Variants in KCTD16 observed in about 807,000 individuals in gnomAD.
KCTD16 encodes the protein BTB/POZ domain-containing protein KCTD16.
KCTD16 carries 13 observed loss-of-function variants against 33.2 expected under a neutral mutation model. The ratio of observed to expected loss-of-function variants is 0.39; its 90% confidence interval spans 0.25 to 0.62. The LOEUF (loss-of-function observed/expected upper bound fraction) is 0.62. Among genes scored for constraint, KCTD16 ranks in the 20% least tolerant of loss-of-function variants. The pLI is 0.50. For synonymous variants in KCTD16, 197 were observed against 195.3 expected (o/e 1.01, Z -0.07); for missense variants, 441 against 525.1 (o/e 0.84, Z 1.57).
At chr5:144,399,216 C>G (rs1752647008) in intron 3 of KCTD16, among the ~76,000 whole-genome samples, 1 of 152,298 alleles carries the variant, frequency 6.6e-6, no homozygotes, top group South Asian at 2.1e-4. Flanking sequence ...GGTTACCTAG[C>G]ATAAGATAAT....
intron 3 of KCTD16, among the ~76,000 whole-genome samples, chr5:144,340,705 G>C (rs2126898477): frequency 6.6e-6 from 1 of 152,186 alleles, no homozygotes; most frequent in African/African-American, 2.4e-5. Context: ...ACCCTGTGAG[G>C]ACACAGCGAA....
chr5:144,450,742 GT>G (rs1378420554), intron 3 of KCTD16, among the ~76,000 whole-genome samples: 1 of 152,062 alleles, frequency 6.6e-6, no homozygotes, highest in Non-Finnish European at 1.5e-5. Flanking sequence ...GGTATCTAAA[GT>G]AGTCAAATTC....
At chr5:144,283,278 C>T (rs1394611696) in intron 3 of KCTD16, among the ~76,000 whole-genome samples, 1 of 152,120 alleles carries the variant, frequency 6.6e-6, no homozygotes, top group Admixed American at 6.5e-5. Flanking sequence ...AATGTCTCCA[C>T]CCTGTTGGTT....
rs531254679 is a variant in KCTD16, at chr5:144,310,134, G to T, written c.832+102588G>T. On this transcript the variant is annotated intron_variant, in intron 3 of 3. Coordinates refer to ENST00000512467, the MANE Select transcript of KCTD16 (RefSeq NM_020768.4). ...ATCCACTTTTTTAGCTCCCACATAT[G>T]AATGAGAATATGCAAAGTTTGCCTT... Among the ~76,000 whole-genome samples, 265 of 151,728 alleles carry T rather than the reference G, an allele frequency of 1.7e-3. 1 individual carries two copies. The highest frequency in any genetic ancestry group is 5.4e-3 in the African/African-American group (223 of 41,334).
intron 3 of KCTD16, among the ~76,000 whole-genome samples, chr5:144,368,017 T>C (rs1433486388): frequency 1.3e-5 from 2 of 152,012 alleles, no homozygotes; most frequent in East Asian, 3.9e-4. Flanking sequence ...GGAGCTATTA[T>C]AAAGATTTAA....
At chr5:144,391,506 G>A (rs942622727) in intron 3 of KCTD16, among the ~76,000 whole-genome samples, 1 of 152,162 alleles carries the variant, frequency 6.6e-6, no homozygotes, top group African/African-American at 2.4e-5. Context: ...TTCCAGGGCT[G>A]ACCTTCTTGA....
chr5:144,178,555 G>A (rs1376613747), intron 2 of KCTD16, among the ~76,000 whole-genome samples: 1 of 150,970 alleles, frequency 6.6e-6, no homozygotes, highest in Non-Finnish European at 1.5e-5. Flanking sequence ...CAGTCAAGAT[G>A]TTTTTTATTA....
chr5:144,394,193 C>A (rs1443526262), intron 3 of KCTD16, among the ~76,000 whole-genome samples: 1 of 152,162 alleles, frequency 6.6e-6, no homozygotes, highest in Non-Finnish European at 1.5e-5. Flanking sequence ...TCTACCTACT[C>A]ACTGGGTGTC....
intron 3 of KCTD16, among the ~76,000 whole-genome samples, chr5:144,380,375 TG>T (rs1752186986): frequency 6.6e-6 from 1 of 152,164 alleles, no homozygotes; most frequent in Admixed American, 6.6e-5. Flanking sequence ...TCCATGCTCA[TG>T]GATAAGAAGA....
intron 3 of KCTD16, among the ~76,000 whole-genome samples, chr5:144,425,950 C>A (rs1204419998): frequency 2.0e-5 from 3 of 152,160 alleles, no homozygotes; most frequent in African/African-American, 7.2e-5. Context: ...TGTCCCTTGC[C>A]ACATTCTTAG....
At chr5:144,388,272 G>C (rs1331392670) in intron 3 of KCTD16, among the ~76,000 whole-genome samples, 2 of 151,300 alleles carry the variant, frequency 1.3e-5, no homozygotes, top group Non-Finnish European at 2.9e-5. Context: ...TAGTAGAGAC[G>C]GGGTTTCACC....
intron 2 of KCTD16, among the ~76,000 whole-genome samples, chr5:144,203,839 C>T (rs1161965776): frequency 6.6e-6 from 1 of 152,124 alleles, no homozygotes; most frequent in Non-Finnish European, 1.5e-5. Context: ...AAACTTAGAT[C>T]ACTATAAAAA....
intron 3 of KCTD16, among the ~76,000 whole-genome samples, chr5:144,420,932 A>T (rs1289570332): frequency 6.6e-6 from 1 of 152,158 alleles, no homozygotes; most frequent in East Asian, 1.9e-4. Context: ...GTCATCTCAA[A>T]GCCAATAGAA....
intron 3 of KCTD16, among the ~76,000 whole-genome samples, chr5:144,239,168 A>G (rs1313559449): frequency 3.3e-5 from 5 of 152,166 alleles, no homozygotes; most frequent in African/African-American, 9.6e-5. Context: ...CAGAGATTTT[A>G]TGAGAATCAG....
At chr5:144,309,536 C>A (rs1037417082) in intron 3 of KCTD16, among the ~76,000 whole-genome samples, 1 of 152,072 alleles carries the variant, frequency 6.6e-6, no homozygotes, top group Non-Finnish European at 1.5e-5. Flanking sequence ...GGGAAATGGG[C>A]CAGGGCAATT....
chr5:144,353,326 A>C (rs1751490256), intron 3 of KCTD16, among the ~76,000 whole-genome samples: 1 of 152,152 alleles, frequency 6.6e-6, no homozygotes, highest in African/African-American at 2.4e-5. Context: ...GTACATTTAT[A>C]CTATTTCTCT....
chr5:144,359,911 T>G (rs576995994), intron 3 of KCTD16, among the ~76,000 whole-genome samples: 9 of 152,138 alleles, frequency 5.9e-5, no homozygotes, highest in Non-Finnish European at 1.2e-4. Context: ...AGAGAAGATC[T>G]GTGATTTTAA....
chr5:144,231,288 T>A (rs984003188), intron 3 of KCTD16, among the ~76,000 whole-genome samples: 2 of 152,284 alleles, frequency 1.3e-5, no homozygotes, highest in African/African-American at 4.8e-5. Flanking sequence ...TTTCTCTTCA[T>A]CCATGTATTT....
chr5:144,337,636 A>T (rs546756746), intron 3 of KCTD16, among the ~76,000 whole-genome samples: 22 of 151,772 alleles, frequency 1.4e-4, no homozygotes, highest in African/African-American at 5.3e-4. Context: ...TGGTGTAGAT[A>T]TTAACCACTT....
Sources: gnomAD v4.1 joint callset for allele counts (sites outside exome capture counted in the v4.1 genomes callset) on GRCh38, gnomAD v4.1.1 for gene constraint, MANE v1.5 for transcripts, NCBI Gene and HGNC (gene_info 2026-07-23, HGNC 2026-07-21) for gene names.